SPRY3: variants seen among roughly 807,000 people sequenced by gnomAD.
SPRY3 encodes sprouty RTK signaling antagonist 3.
In SPRY3, 15 loss-of-function variants were observed where a neutral mutation model predicts 20.2. The ratio of observed to expected loss-of-function variants is 0.74; its 90% CI spans 0.50 to 1.14. The LOEUF is 1.14. Among genes scored for constraint, SPRY3 ranks in the 50% most tolerant of loss-of-function variants. The probability of loss-of-function intolerance (pLI) is 0.00; values close to 1 mark genes in which losing one functional copy is unlikely to be tolerated. For synonymous variants in SPRY3, 143 were observed against 136.5 expected, an observed-to-expected ratio of 1.05 and a Z score of -0.33; for missense variants, 364 against 363.9, an observed-to-expected ratio of 1.00 and a Z score of 0.00.
chrX:155,732,656 C>A (rs1411987261), intron 2 of SPRY3, among the ~76,000 whole-genome samples: 1 of 151,876 alleles, frequency 6.6e-6, no homozygotes, highest in Non-Finnish European at 1.5e-5. Flanking sequence ...TGGGTATATA[C>A]CCAAAGGAAA....
chrX:155,622,032 C>A (rs1432206933), intron 1 of SPRY3, among the ~76,000 whole-genome samples: 1 of 111,516 alleles, frequency 9.0e-6, no homozygotes, highest in Non-Finnish European at 1.9e-5. Context: ...GGGCCACCTC[C>A]TGTACAGGCA....
At chrX:155,726,066 T>C (rs958773226) in intron 2 of SPRY3, among the ~76,000 whole-genome samples, 3 of 152,202 alleles carry the variant, frequency 2.0e-5, no homozygotes, top group Non-Finnish European at 4.4e-5. Flanking sequence ...CTCCCTTCAT[T>C]TCATTATGTA....
intron 2 of SPRY3, among the ~76,000 whole-genome samples, chrX:155,750,829 T>A (rs1034992165): frequency 5.9e-5 from 9 of 151,866 alleles, no homozygotes; most frequent in Admixed American, 5.3e-4. Context: ...GTCATGAATT[T>A]AAAGAGCCTA....
At chrX:155,717,519 A>G (rs2091031135) in intron 2 of SPRY3, among the ~76,000 whole-genome samples, 1 of 152,002 alleles carries the variant, frequency 6.6e-6, no homozygotes, top group Non-Finnish European at 1.5e-5. Flanking sequence ...TAAGCCCCAC[A>G]TGCATTAGGT....
chrX:155,766,534 T>C (rs997927810), intron 2 of SPRY3, among the ~76,000 whole-genome samples: 4 of 152,146 alleles, frequency 2.6e-5, no homozygotes, highest in Non-Finnish European at 5.9e-5. Context: ...ATCCTAAGAA[T>C]GCTGATGGCC....
intron 1 of SPRY3, among the ~76,000 whole-genome samples, chrX:155,615,982 C>A (rs1569562343): frequency 9.0e-6 from 1 of 110,501 alleles, no homozygotes; most frequent in Non-Finnish European, 1.9e-5. Context: ...TTAGAACAAT[C>A]AAAACTTTTA....
intron 1 of SPRY3, among the ~76,000 whole-genome samples, chrX:155,631,101 TC>T (rs1168369826): frequency 9.0e-6 from 1 of 111,011 alleles, no homozygotes; most frequent in Non-Finnish European, 1.9e-5. Context: ...CCTCCTTCTC[TC>T]CCTGCTCCAG....
chrX:155,665,900 T>C (rs1445013991), intron 2 of SPRY3, among the ~76,000 whole-genome samples: 2 of 112,266 alleles, frequency 1.8e-5, no homozygotes, highest in African/African-American at 6.5e-5. Flanking sequence ...TTAAATTTTC[T>C]GTATGTTTGA....
At chrX:155,666,972 A>T (rs998729035) in intron 2 of SPRY3, among the ~76,000 whole-genome samples, 12 of 111,017 alleles carry the variant, frequency 1.1e-4, no homozygotes, top group Admixed American at 6.7e-4. Context: ...ACTATACTTA[A>T]AGATAGAGTG....
intron 1 of SPRY3, among the ~76,000 whole-genome samples, chrX:155,618,704 T>G (rs1557349125): frequency 8.9e-6 from 1 of 111,847 alleles, no homozygotes; most frequent in African/African-American, 3.2e-5. Context: ...GTACTGTATT[T>G]TTTATCTTAG....
In SPRY3 at chrX:155,774,291, T is replaced by TA. The variant is rs1350996064; in HGVS notation, c.421dup (p.Ser141LysfsTer2). On this transcript the variant is annotated frameshift_variant, in exon 4 of 4. Coordinates refer to ENST00000675360, the Ensembl canonical transcript of SPRY3. LOFTEE classifies it high-confidence loss of function. ...AAGCTGAGCAATCTGCAGGGCACCC[T>TA]AGTGAGCACCTCTTCATCTGTGAGG... The TA allele has an allele frequency of 3.1e-6, 5 of 1,613,998 alleles. No homozygotes were observed. The highest frequency in any genetic ancestry group is 4.2e-6 in the Non-Finnish European group (5 of 1,179,870).
exon 4 of SPRY3, chrX:155,774,785 C>G: frequency 1.3e-6 from 2 of 1,566,012 alleles, no homozygotes; most frequent in African/African-American, 1.4e-5. Flanking sequence ...GAGTCCCCAA[C>G]AGCAAAGCAT....
intron 2 of SPRY3, among the ~76,000 whole-genome samples, chrX:155,664,844 G>GTCT (rs1392075379): frequency 9.2e-6 from 1 of 109,033 alleles, no homozygotes; most frequent in Non-Finnish European, 1.9e-5. Context: ...ACAGTAGGAA[G>GTCT]TCTTTATGAT....
intron 2 of SPRY3, among the ~76,000 whole-genome samples, chrX:155,738,874 G>A (rs984729559): frequency 1.3e-5 from 2 of 152,168 alleles, no homozygotes; most frequent in South Asian, 4.2e-4. Flanking sequence ...GATATCATTT[G>A]TACATTCCCC....
intron 2 of SPRY3, among the ~76,000 whole-genome samples, chrX:155,668,883 G>A (rs1319136183): frequency 9.1e-6 from 1 of 110,458 alleles, no homozygotes; most frequent in Non-Finnish European, 1.9e-5. Context: ...ATTTAGAATT[G>A]TTCATGTTAT....
chrX:155,636,237 A>C (rs1162574443), intron 1 of SPRY3, among the ~76,000 whole-genome samples: 1 of 111,909 alleles, frequency 8.9e-6, no homozygotes, highest in Non-Finnish European at 1.9e-5. Context: ...ATTGATCCAG[A>C]TCTCCAAAGA....
intron 2 of SPRY3, among the ~76,000 whole-genome samples, chrX:155,707,083 A>C (rs896155663): frequency 2.7e-5 from 4 of 150,930 alleles, no homozygotes; most frequent in Non-Finnish European, 5.9e-5. Context: ...GTGGAAGTTT[A>C]GATTATTGAT....
At chrX:155,710,135 G>A (rs1260417036) in intron 2 of SPRY3, among the ~76,000 whole-genome samples, 1 of 151,616 alleles carries the variant, frequency 6.6e-6, no homozygotes, top group East Asian at 1.9e-4. Flanking sequence ...AATAGATTGG[G>A]CTACTTTGGG....
intron 2 of SPRY3, among the ~76,000 whole-genome samples, chrX:155,709,159 G>T (rs1260055019): frequency 2.6e-5 from 4 of 151,662 alleles, no homozygotes; most frequent in Non-Finnish European, 5.9e-5. Context: ...TTGATATACT[G>T]ATTTCTTGTC....
Sources: gnomAD v4.1 joint callset for allele counts (sites outside exome capture counted in the v4.1 genomes callset) on GRCh38, gnomAD v4.1.1 for gene constraint, MANE v1.5 for transcripts, NCBI Gene and HGNC (gene_info 2026-07-23, HGNC 2026-07-21) for gene names.